Variants in PALM2AKAP2 observed in about 807,000 individuals in gnomAD.
PALM2AKAP2 encodes PALM2 and AKAP2 fusion, also known as PALM2-AKAP2 fusion protein.
Under a neutral mutation model 71.5 loss-of-function variants are expected in PALM2AKAP2, and 37 were observed. That is an observed-to-expected ratio of 0.52 (90% confidence interval 0.40 to 0.68). The LOEUF is 0.68. Among genes scored for constraint, PALM2AKAP2 ranks in the 30% least tolerant of loss-of-function variants. The pLI is 0.00. For synonymous variants in PALM2AKAP2, 468 were observed against 478.8 expected (o/e 0.98, Z 0.29); for missense variants, 1,224 against 1,191.8 (o/e 1.03, Z -0.40).
intron 1 of PALM2AKAP2, among the ~76,000 whole-genome samples, chr9:109,653,657 T>C (rs986891800): frequency 6.6e-6 from 1 of 152,102 alleles, no homozygotes; most frequent in Admixed American, 6.5e-5. Context: ...ATAGGGGGTG[T>C]AGTTGGGGGG....
chr9:110,155,058 A>C (rs1836413205), intron 2 of PALM2AKAP2, among the ~76,000 whole-genome samples: 2 of 152,222 alleles, frequency 1.3e-5, no homozygotes, highest in African/African-American at 4.8e-5. Context: ...CCTGGACTCC[A>C]GGCCTTTGTA....
At chr9:109,770,351 A>C (rs954369390) in intron 1 of PALM2AKAP2, among the ~76,000 whole-genome samples, 2 of 152,294 alleles carry the variant, frequency 1.3e-5, no homozygotes, top group African/African-American at 4.8e-5. Flanking sequence ...GAAACTATAC[A>C]TAAAATGCTG....
At chr9:109,873,366 G>A (rs1587976739) in intron 2 of PALM2AKAP2, among the ~76,000 whole-genome samples, 1 of 151,922 alleles carries the variant, frequency 6.6e-6, no homozygotes, top group East Asian at 1.9e-4. Context: ...AACCTGGGAG[G>A]TGGAGGTCGC....
chr9:110,083,526 T>C (rs1197746671), intron 1 of PALM2AKAP2, among the ~76,000 whole-genome samples: 1 of 152,240 alleles, frequency 6.6e-6, no homozygotes, highest in East Asian at 1.9e-4. Context: ...CAGCCTAGGA[T>C]ACTGTTTTGT....
At chr9:110,076,492 C>CAAATATATATATATATAT (rs1554748065) in intron 1 of PALM2AKAP2, among the ~76,000 whole-genome samples, 1 of 106,760 alleles carries the variant, frequency 9.4e-6, no homozygotes, top group Non-Finnish European at 1.9e-5. Context: ...ATATATTCTA[C>CAAATATATATATATATAT]ATATATATAT....
chr9:109,739,168 AAAGAGC>A (rs1451928132), intron 1 of PALM2AKAP2, among the ~76,000 whole-genome samples: 1 of 152,240 alleles, frequency 6.6e-6, no homozygotes, highest in Non-Finnish European at 1.5e-5. Flanking sequence ...ATCAACTCAG[AAAGAGC>A]ACCAGACTTT....
intron 1 of PALM2AKAP2, among the ~76,000 whole-genome samples, chr9:110,132,485 A>G (rs375486820): frequency 6.6e-6 from 1 of 151,534 alleles, no homozygotes; most frequent in African/African-American, 2.4e-5. Context: ...GTACACCACC[A>G]TGCCTGGCCA....
intron 1 of PALM2AKAP2, among the ~76,000 whole-genome samples, chr9:109,648,123 T>C (rs1827178464): frequency 6.6e-6 from 1 of 152,216 alleles, no homozygotes; most frequent in Non-Finnish European, 1.5e-5. Flanking sequence ...TCCCCTGCTC[T>C]TTCTCTCTGT....
chr9:109,854,113 G>C (rs972580837), intron 1 of PALM2AKAP2, among the ~76,000 whole-genome samples: 2 of 152,140 alleles, frequency 1.3e-5, no homozygotes, highest in African/African-American at 4.8e-5. Context: ...GAAATTTGCT[G>C]TCCTCAGTGA....
intron 2 of PALM2AKAP2, among the ~76,000 whole-genome samples, chr9:110,148,099 A>C (rs752092954): frequency 2.7e-4 from 41 of 152,142 alleles, no homozygotes; most frequent in Non-Finnish European, 5.4e-4. Context: ...AGCCAAGCCC[A>C]CCATGCTAGT....
chr9:110,103,456 C>T (rs140041764), intron 1 of PALM2AKAP2, among the ~76,000 whole-genome samples: 2,159 of 152,300 alleles, frequency 0.014, 16 homozygotes, highest in Non-Finnish European at 0.02. Context: ...GTTAAATTTA[C>T]AAGGAGAGCA....
intron 1 of PALM2AKAP2, among the ~76,000 whole-genome samples, chr9:110,128,369 C>A (rs560898885): frequency 6.6e-6 from 1 of 152,318 alleles, no homozygotes; most frequent in African/African-American, 2.4e-5. Flanking sequence ...ACGTGACTTA[C>A]AAAAGAGAGG....
intron 3 of PALM2AKAP2, among the ~76,000 whole-genome samples, chr9:109,890,541 C>T (rs1395752298): frequency 6.6e-6 from 1 of 152,218 alleles, no homozygotes; most frequent in Non-Finnish European, 1.5e-5. Flanking sequence ...CTAAAAGCAA[C>T]TTCCGACATC....
At chr9:109,807,559 CT>C (rs11398626) in intron 1 of PALM2AKAP2, among the ~76,000 whole-genome samples, 6,325 of 140,274 alleles carry the variant, frequency 0.045, 184 homozygotes, top group African/African-American at 0.092. Flanking sequence ...TCTCTGGGAC[CT>C]TTTTTTTTTT....
intron 1 of PALM2AKAP2, among the ~76,000 whole-genome samples, chr9:110,107,623 G>A (rs536338957): frequency 6.6e-6 from 1 of 152,322 alleles, no homozygotes; most frequent in South Asian, 2.1e-4. Flanking sequence ...CAGGAGTGCA[G>A]TTGTGCCATC....
Position 109,896,117 on chromosome 9 carries a change from G to T in PALM2AKAP2, c.257+15436G>T, listed in dbSNP as rs936261225. On this transcript the variant is annotated intron_variant, in intron 3 of 9. Transcript: ENST00000302798. ...GGAGAACTGCTCGAACCTGGGAGGCGGAAGTTGCAGTGAGCCGAGATCACA... is the reference window on the plus strand; with the variant it reads ...GGAGAACTGCTCGAACCTGGGAGGCTGAAGTTGCAGTGAGCCGAGATCACA... Among the ~76,000 whole-genome samples, 4 of 151,158 alleles carry T rather than the reference G, an allele frequency of 2.6e-5. No individual in the cohort carries two copies. In the East Asian group the frequency reaches 7.8e-4, roughly 30 times the overall value.
At chr9:109,656,306 C>A (rs562361557) in intron 1 of PALM2AKAP2, among the ~76,000 whole-genome samples, 1 of 152,234 alleles carries the variant, frequency 6.6e-6, no homozygotes, top group South Asian at 2.1e-4. Context: ...GCTAGGTCAG[C>A]CAGACCTTCT....
chr9:110,060,752 C>A (rs1833948866), intron 1 of PALM2AKAP2, among the ~76,000 whole-genome samples: 1 of 152,022 alleles, frequency 6.6e-6, no homozygotes, highest in Non-Finnish European at 1.5e-5. Context: ...CAGGTACATG[C>A]CACCAGGGCT....
At chr9:109,819,689 TTA>T (rs1294018641) in intron 1 of PALM2AKAP2, among the ~76,000 whole-genome samples, 5 of 94,754 alleles carry the variant, frequency 5.3e-5, no homozygotes, top group African/African-American at 2.6e-4. Flanking sequence ...AAAGGCCTAA[TTA>T]TGTGTGTGTG....
Sources: gnomAD v4.1 joint callset for allele counts (sites outside exome capture counted in the v4.1 genomes callset) on GRCh38, gnomAD v4.1.1 for gene constraint, MANE v1.5 for transcripts, NCBI Gene and HGNC (gene_info 2026-07-23, HGNC 2026-07-21) for gene names.